Variants in TATDN1 observed in about 807,000 individuals in gnomAD.
TATDN1 encodes deoxyribonuclease TATDN1.
Under a neutral mutation model 46.4 loss-of-function variants are expected in TATDN1, and 40 were observed. That is an observed-to-expected ratio of 0.86 (90% confidence interval 0.67 to 1.12). TATDN1 has a LOEUF of 1.12. TATDN1 is among the 50% of genes most tolerant of loss of function. The pLI, the probability that TATDN1 is intolerant of heterozygous loss-of-function variation, is 0.00. For synonymous variants in TATDN1, 95 were observed against 105.6 expected (o/e 0.90, Z 0.62); for missense variants, 326 against 348.4 (o/e 0.94, Z 0.51).
chr8:124,508,437 G>T, intron 8 of TATDN1, 37 bp downstream of exon 8: 1 of 1,585,212 alleles, frequency 6.3e-7, no homozygotes, highest in Non-Finnish European at 8.6e-7. Context: ...GATTAGAGAT[G>T]TTCAACCTGT....
chr8:124,491,260 A>G (rs1169559413), intron 11 of TATDN1: 1 of 152,206 alleles, frequency 6.6e-6, no homozygotes, highest in African/African-American at 2.4e-5. Context: ...AAGAGCCCTC[A>G]CAATCTGGGC....
intron 1 of TATDN1, among the ~76,000 whole-genome samples, chr8:124,531,001 A>G (rs913263012): frequency 1.3e-5 from 2 of 152,138 alleles, no homozygotes; most frequent in African/African-American, 4.8e-5. Context: ...TTAGCAGCAC[A>G]AGGATTAATT....
At chr8:124,531,198 C>T (rs1393123399) in intron 1 of TATDN1, among the ~76,000 whole-genome samples, 1 of 151,000 alleles carries the variant, frequency 6.6e-6, no homozygotes, top group Non-Finnish European at 1.5e-5. Flanking sequence ...GCCTAAAGTT[C>T]CCTCCTGTCA....
chr8:124,525,716 TAGC>T (rs1476889370), intron 1 of TATDN1, among the ~76,000 whole-genome samples: 8 of 152,254 alleles, frequency 5.3e-5, no homozygotes, highest in Non-Finnish European at 1.0e-4. Flanking sequence ...GAATCAGCTT[TAGC>T]CATACTGTCA....
intron 9 of TATDN1, among the ~76,000 whole-genome samples, chr8:124,497,981 G>T (rs1015453273): frequency 5.9e-5 from 9 of 152,082 alleles, no homozygotes; most frequent in African/African-American, 1.9e-4. Flanking sequence ...TCTTTAAGGA[G>T]CTCTTATTCT....
rs17370292 is a variant in TATDN1 at position 124,519,065 on chromosome 8, A to G, written c.139-184T>C. 7.7e-3 allele frequency among the ~76,000 whole-genome samples: 1,168 copies of G among 152,252 alleles called. 20 individuals carry two copies. Among genetic ancestry groups the G allele is most frequent in the East Asian group, 0.038 (199 of 5,188 alleles). ...GCAGAGTAGTGCCTGACTACACCTC[A>G]GGGATGTATGTATGTGTGTGTGCAT... On this transcript the variant is annotated intron_variant, in intron 3 of 11. Transcript: ENST00000276692.
intron 1 of TATDN1, among the ~76,000 whole-genome samples, chr8:124,532,070 A>C (rs1821008732): frequency 6.6e-6 from 1 of 151,628 alleles, no homozygotes; most frequent in South Asian, 2.1e-4. Context: ...GCAAGGAAGA[A>C]GGAAGAGCAA....
intron 1 of TATDN1, chr8:124,538,548 G>C: frequency 5.6e-6 from 1 of 179,998 alleles, no homozygotes; most frequent in South Asian, 9.9e-5. Flanking sequence ...GTACAACTGG[G>C]AGCTTTGTGC....
chr8:124,527,193 T>C (rs1216377690), intron 1 of TATDN1, among the ~76,000 whole-genome samples: 2 of 152,218 alleles, frequency 1.3e-5, no homozygotes, highest in African/African-American at 4.8e-5. Flanking sequence ...GCTATGTATA[T>C]TCATGAAAGG....
chr8:124,517,832 T>G (rs578024916), intron 4 of TATDN1, among the ~76,000 whole-genome samples: 29 of 152,300 alleles, frequency 1.9e-4, no homozygotes, highest in South Asian at 1.0e-3. Context: ...AAAATGGCCC[T>G]TCACAGCTTA....
In TATDN1 at chr8:124,495,559, T is replaced by C. The variant is rs573971211; in HGVS notation, c.594-17A>G. ...TTCAGTGAGCTTAAAAAAAAGTGTATATTTATTTTAAAAGGCAGCAATTAA... is the reference window on the plus strand; with the variant it reads ...TTCAGTGAGCTTAAAAAAAAGTGTACATTTATTTTAAAAGGCAGCAATTAA... On this transcript the variant is annotated splice_polypyrimidine_tract_variant and intron_variant, in intron 9 of 11. Coordinates refer to ENST00000276692, the MANE Select transcript of TATDN1 (RefSeq NM_032026.4). 5.8e-5 allele frequency: 92 copies of C among 1,574,298 alleles called. 2 individuals are homozygous for C. The South Asian group carries it at 9.9e-4, about 17-fold the overall frequency.
intron 4 of TATDN1, among the ~76,000 whole-genome samples, chr8:124,517,153 G>T (rs1350983896): frequency 6.6e-6 from 1 of 152,216 alleles, no homozygotes; most frequent in Non-Finnish European, 1.5e-5. Context: ...CAATGGGGTG[G>T]GTGAGGTGGC....
chr8:124,518,660 T>C (rs186649269), intron 4 of TATDN1, 158 bp downstream of exon 4: 33 of 611,426 alleles, frequency 5.4e-5, no homozygotes, highest in Non-Finnish European at 7.1e-5. Context: ...AATGAGTACT[T>C]TGAATTTTGT....
chr8:124,502,671 G>GGAAC (rs5894710), intron 9 of TATDN1, among the ~76,000 whole-genome samples: 13,255 of 152,148 alleles, frequency 0.087, 635 homozygotes, highest in East Asian at 0.16. Context: ...TGCAACTGAC[G>GGAAC]GAACTATTAG....
intron 11 of TATDN1, among the ~76,000 whole-genome samples, chr8:124,490,541 T>G (rs569635061): frequency 2.0e-5 from 3 of 152,128 alleles, no homozygotes; most frequent in African/African-American, 7.2e-5. Context: ...AAAAATCTAT[T>G]GGAGCTTAGG....
intron 8 of TATDN1, chr8:124,504,558 T>C (rs913174003): frequency 8.8e-6 from 3 of 340,982 alleles, no homozygotes; most frequent in Non-Finnish European, 1.6e-5. Flanking sequence ...TGCAAAACGT[T>C]AGCTGCCGAG....
intron 10 of TATDN1, 39 bp from the exon 11 acceptor site, chr8:124,493,998 T>C: frequency 6.5e-7 from 1 of 1,535,834 alleles, no homozygotes; most frequent in Non-Finnish European, 8.7e-7. Flanking sequence ...GGGGTTTACA[T>C]TTTTAAAAAT....
At chr8:124,517,399 G>A (rs1274057694) in intron 4 of TATDN1, among the ~76,000 whole-genome samples, 1 of 148,570 alleles carries the variant, frequency 6.7e-6, no homozygotes, top group African/African-American at 2.5e-5. Flanking sequence ...TTGCACTCCA[G>A]CCTGGGTGAT....
intron 3 of TATDN1, among the ~76,000 whole-genome samples, chr8:124,520,767 C>A (rs1182203696): frequency 6.6e-6 from 1 of 151,572 alleles, no homozygotes; most frequent in African/African-American, 2.4e-5. Context: ...GTGGTGAAAC[C>A]CCGTCTCTAC....
Sources: gnomAD v4.1 joint callset for allele counts (sites outside exome capture counted in the v4.1 genomes callset) on GRCh38, gnomAD v4.1.1 for gene constraint, MANE v1.5 for transcripts, NCBI Gene and HGNC (gene_info 2026-07-23, HGNC 2026-07-21) for gene names.